RASSF4: variants seen among roughly 807,000 people sequenced by gnomAD.
The protein encoded by RASSF4 is Ras association domain family member 4.
A neutral mutation model predicts 41.1 loss-of-function variants in RASSF4; 38 were observed. That is an observed-to-expected ratio of 0.92 (90% CI 0.71 to 1.21). RASSF4 has a LOEUF of 1.21. RASSF4 is among the 50% of genes most tolerant of loss of function. The probability of loss-of-function intolerance (pLI) is 0.00; values close to 1 mark genes in which losing one functional copy is unlikely to be tolerated. For synonymous variants in RASSF4, 179 were observed against 163.4 expected, an observed-to-expected ratio of 1.10 and a Z score of -0.73; for missense variants, 414 against 419.4, an observed-to-expected ratio of 0.99 and a Z score of 0.11.
At chr10:44,979,862 TGGGCTGGGGCTG>T (rs1164647835) in intron 3 of RASSF4, among the ~76,000 whole-genome samples, 1 of 151,846 alleles carries the variant, frequency 6.6e-6, no homozygotes, top group Admixed American at 6.6e-5. Context: ...CTGCTGGGAC[TGGGCTGGGGCTG>T]GGGCTGGGGG....
chr10:44,969,121 T>C (rs1841036840), intron 1 of RASSF4, among the ~76,000 whole-genome samples: 1 of 151,882 alleles, frequency 6.6e-6, no homozygotes, highest in Non-Finnish European at 1.5e-5. Flanking sequence ...TGTGTGTGTG[T>C]GTGTGTGTAT....
Position 44,970,223 on chromosome 10 carries a change from G to A in RASSF4, c.21G>A (p.Pro7=), listed in dbSNP as rs771764864. 35 of 1,613,932 alleles carry A rather than the reference G, an allele frequency of 2.2e-5. No homozygotes were observed. Among genetic ancestry groups the A allele is most frequent in the East Asian group, 1.1e-4 (5 of 44,902 alleles). The change falls in exon 2 of 11, where the codon CCG becomes CCA. Residue 7 remains proline (P), a synonymous_variant. Coordinates refer to ENST00000340258, the MANE Select transcript of RASSF4 (RefSeq NM_032023.4). ...AGAAGATGAAGGAAGACTGTCTGCCGAGTTCTCACGTGCCCATCAGTGACA... is the reference window on the plus strand; with the variant it reads ...AGAAGATGAAGGAAGACTGTCTGCCAAGTTCTCACGTGCCCATCAGTGACA... MKEDCL[P]SSHVPISDSK... is the part of the protein sequence containing the mutation.
At chr10:44,969,210 G>C (rs929036047) in intron 1 of RASSF4, among the ~76,000 whole-genome samples, 1 of 152,106 alleles carries the variant, frequency 6.6e-6, no homozygotes, top group African/African-American at 2.4e-5. Context: ...ATTGACATGG[G>C]GGAGAGAGAG....
intron 6 of RASSF4, 146 bp downstream of exon 6, chr10:44,985,116 C>A (rs1588839900): frequency 7.7e-6 from 6 of 775,128 alleles, no homozygotes; most frequent in Admixed American, 2.7e-5. Flanking sequence ...ATAACAGCCC[C>A]GTTTATGACC....
chr10:44,964,988 G>A (rs549168986), intron 1 of RASSF4, among the ~76,000 whole-genome samples: 1 of 152,250 alleles, frequency 6.6e-6, no homozygotes, highest in African/African-American at 2.4e-5. Flanking sequence ...GTCTTCTTGC[G>A]GTGTTGGCTC....
rs1054387019 is a variant in RASSF4 at position 44,994,575 on chromosome 10, C to T, written c.*1246C>T. On this transcript the variant is annotated 3_prime_UTR_variant, in exon 11 of 11. Transcript: ENST00000340258. ...AACTGCGTCAGGGCAAATGTCACAG[C>T]AGGATTTCCCCAACCCAGCTCCATC... 4 of 152,228 alleles carry T rather than the reference C, an allele frequency of 2.6e-5. No homozygotes were observed. Among genetic ancestry groups the T allele is most frequent in the Admixed American group, 2.6e-4 (4 of 15,288 alleles). 9.4% of individuals were successfully genotyped at this position (152,228 alleles called of 1,614,324 possible). A position where few individuals can be genotyped will look rare whatever the true frequency, so the allele number is the denominator to read the frequency against.
intron 2 of RASSF4, chr10:44,971,491 T>C (rs1417998977): frequency 1.6e-6 from 1 of 613,030 alleles, no homozygotes; most frequent in Non-Finnish European, 3.1e-6. Context: ...CCTGTGATAG[T>C]GAAAGTGTCG....
intron 10 of RASSF4, 23 bp downstream of exon 10, chr10:44,992,025 G>C (rs780099977): frequency 3.6e-5 from 53 of 1,485,994 alleles, no homozygotes; most frequent in Non-Finnish European, 4.9e-5. Flanking sequence ...TAAACAGACA[G>C]TCATGGGTCC....
intron 1 of RASSF4, among the ~76,000 whole-genome samples, chr10:44,964,729 T>A (rs1840837395): frequency 1.3e-5 from 2 of 152,178 alleles, no homozygotes. Context: ...TCCAGGAAAA[T>A]GCTCCAAATA....
intron 1 of RASSF4, among the ~76,000 whole-genome samples, chr10:44,964,589 G>A (rs1840833201): frequency 6.6e-6 from 1 of 152,310 alleles, no homozygotes; most frequent in Non-Finnish European, 1.5e-5. Context: ...ATCCATTTGT[G>A]TATTGGGCTT....
Position 44,984,987 on chromosome 10 carries a change from G to A in RASSF4, c.531+17G>A. 1.2e-6 allele frequency: 2 copies of A among 1,604,094 alleles called. No homozygotes were observed. The highest frequency in any genetic ancestry group is 1.7e-6 in the Non-Finnish European group (2 of 1,177,036). On this transcript the variant is annotated intron_variant, in intron 6 of 10. Coordinates refer to ENST00000340258, the MANE Select transcript of RASSF4 (RefSeq NM_032023.4). ...AATCATAAGGTGATGCCCCAGCCTG[G>A]CCTCTCCCCTGGGCGCATGGGGAGC...
rs1016247735 is a variant in RASSF4 at position 44,969,418 on chromosome 10, G to T, written c.-38-747G>T. Among the ~76,000 whole-genome samples, 5 of 152,190 alleles carry T rather than the reference G, an allele frequency of 3.3e-5. No homozygotes were observed. The South Asian group carries it at 6.2e-4, about 19-fold the overall frequency. ...TCCACTAATGATCCTGTGGGCTTGAGATTACCTTGTTGCACAGACGAGGAA... is the reference window on the plus strand; with the variant it reads ...TCCACTAATGATCCTGTGGGCTTGATATTACCTTGTTGCACAGACGAGGAA... On this transcript the variant is annotated intron_variant, in intron 1 of 10. Transcript: ENST00000340258.
chr10:44,990,710 C>A, intron 8 of RASSF4: 2 of 384,076 alleles, frequency 5.2e-6, no homozygotes, highest in East Asian at 4.0e-5. Flanking sequence ...CTTGTATCTT[C>A]TTCTTCTCAA....
intron 10 of RASSF4, 73 bp downstream of exon 10, chr10:44,992,075 C>A: frequency 1.0e-6 from 1 of 971,506 alleles, no homozygotes; most frequent in Non-Finnish European, 1.6e-6. Context: ...GCACCAGTGC[C>A]GGCTGGGAGG....
chr10:44,983,795 G>C (rs191349590), intron 4 of RASSF4: 9 of 646,840 alleles, frequency 1.4e-5, no homozygotes, highest in Non-Finnish European at 2.1e-5. Context: ...CAAGCCCTCA[G>C]GTCTGCAGGG....
chr10:44,993,403 C>A lies in RASSF4; in HGVS notation c.*74C>A. ...ACTGAGCCCTGGTTGCTGGCCCCGG[C>A]CGGTCACATTGACTGATGGCCACCG... On this transcript the variant is annotated 3_prime_UTR_variant, in exon 11 of 11. Coordinates refer to ENST00000340258, the MANE Select transcript of RASSF4 (RefSeq NM_032023.4). The A allele has an allele frequency of 1.6e-6, 2 of 1,246,804 alleles. No homozygotes were observed. The highest frequency in any genetic ancestry group is 2.5e-5 in the East Asian group (1 of 39,248). 77.2% of individuals were successfully genotyped at this position (1,246,804 alleles called of 1,614,324 possible).
Position 44,971,824 on chromosome 10 carries a change from G to C in RASSF4, c.114G>C (p.Lys38Asn). ...LKTYNCYHEG[K>N]SFQLRHREEE... is the part of the protein sequence containing the mutation. ...CCTACAACTGCTACCATGAGGGCAAGAGCTTCCAGCTGAGACACCGTGAGG... is the reference window on the plus strand; with the variant it reads ...CCTACAACTGCTACCATGAGGGCAACAGCTTCCAGCTGAGACACCGTGAGG... Residue 38 changes from lysine (K) to asparagine (N), a missense_variant, in exon 3 of 11, where the codon AAG becomes AAC. Lys to Asn is a moderately conservative substitution (Grantham distance 94). Transcript: ENST00000340258. 6.2e-7 allele frequency: 1 copy of C among 1,612,542 alleles called. No homozygotes were observed. The highest frequency in any genetic ancestry group is 8.5e-7 in the Non-Finnish European group (1 of 1,178,732).
At chr10:44,979,968 A>G (rs960388131) in intron 3 of RASSF4, among the ~76,000 whole-genome samples, 1 of 152,052 alleles carries the variant, frequency 6.6e-6, no homozygotes, top group South Asian at 2.1e-4. Flanking sequence ...GCTGCCAAGG[A>G]TGAGAGAGGC....
rs1033139692 is a variant in RASSF4, at chr10:44,982,600, A to T, written c.218A>T (p.Asp73Val). Residue 73 changes from aspartate (D) to valine (V), a missense_variant, in exon 4 of 11, where the codon GAT (aspartate) becomes GTT (valine). Physicochemically the swap from Asp to Val is radical, Grantham distance 152. Coordinates refer to ENST00000340258, the MANE Select transcript of RASSF4 (RefSeq NM_032023.4). ...LRRPIRLQMQ[D>V]DREQVHLPST... Reference sequence around the variant, plus strand: ...CGGCCCATCCGGCTGCAGATGCAGGATGACCGGGAGCAGGTGCACCTCCCC... The same window carrying T: ...CGGCCCATCCGGCTGCAGATGCAGGTTGACCGGGAGCAGGTGCACCTCCCC... The T allele has an allele frequency of 9.9e-6, 16 of 1,612,816 alleles. No individual in the cohort carries two copies. In the East Asian group the frequency reaches 1.8e-4, roughly 18 times the overall value.
Sources: gnomAD v4.1 joint callset for allele counts (sites outside exome capture counted in the v4.1 genomes callset) on GRCh38, gnomAD v4.1.1 for gene constraint, MANE v1.5 for transcripts, NCBI Gene and HGNC (gene_info 2026-07-23, HGNC 2026-07-21) for gene names.